CCDC97: variants seen among roughly 807,000 people sequenced by gnomAD.
CCDC97 encodes coiled-coil domain containing 97.
CCDC97 carries 27 observed loss-of-function variants against 33.9 expected under a neutral mutation model. The observed-to-expected ratio is 0.80, with a 90% CI of 0.59 to 1.10. The LOEUF (loss-of-function observed/expected upper bound fraction) is 1.10, where lower values mean the gene tolerates loss of function less well. CCDC97 is among the 50% of genes least tolerant of loss of function. The pLI, the probability that CCDC97 is intolerant of heterozygous loss-of-function variation, is 0.00. For synonymous variants in CCDC97, 217 were observed against 194.0 expected (o/e 1.12, Z -0.99); for missense variants, 422 against 476.6 (o/e 0.89, Z 1.07).
chr19:41,321,801 G>A (rs936296580), intron 4 of CCDC97, among the ~76,000 whole-genome samples: 37 of 152,294 alleles, frequency 2.4e-4, no homozygotes, highest in Admixed American at 2.1e-3. Flanking sequence ...GGGTCGCAAG[G>A]GGGTAGGAGA....
In CCDC97 at chr19:41,319,726, C is replaced by T. The variant is rs774895639; in HGVS notation, c.655C>T (p.Pro219Ser). ...KPGSPGRPAC[P>S]LSNLLLQSYE... ...CGGGTCCCCCGGGAGACCTGCTTGC[C>T]CGCTCTCCAACTTGCTGCTCCAGTC... The change falls in exon 3 of 5, where the codon CCG becomes TCG. Residue 219 changes from proline to serine, a missense_variant. Pro to Ser is a moderately conservative substitution (Grantham distance 74, BLOSUM62 -1). Transcript: ENST00000269967. The T allele has an allele frequency of 1.4e-5, 22 of 1,613,862 alleles. No homozygotes were observed. Among genetic ancestry groups the T allele is most frequent in the Non-Finnish European group, 1.7e-5 (20 of 1,179,888 alleles).
intron 2 of CCDC97, among the ~76,000 whole-genome samples, chr19:41,318,725 G>T (rs1255280885): frequency 6.6e-6 from 1 of 152,146 alleles, no homozygotes; most frequent in Non-Finnish European, 1.5e-5. Flanking sequence ...CAAGTTTTGG[G>T]GTAGTGGGGA....
intron 1 of CCDC97, among the ~76,000 whole-genome samples, chr19:41,312,038 C>T (rs943896289): frequency 2.6e-5 from 4 of 152,214 alleles, no homozygotes; most frequent in Admixed American, 6.5e-5. Context: ...AGGGTCTGCA[C>T]TGACTTCCCC....
chr19:41,311,950 G>A (rs545381811), intron 1 of CCDC97, among the ~76,000 whole-genome samples: 2 of 152,270 alleles, frequency 1.3e-5, no homozygotes, highest in Non-Finnish European at 2.9e-5. Context: ...CCTTCAGAGA[G>A]TCATGTATAC....
At chr19:41,316,219 TC>T (rs2037743888) in intron 1 of CCDC97, among the ~76,000 whole-genome samples, 164 bp from the exon 2 acceptor site, 1 of 152,200 alleles carries the variant, frequency 6.6e-6, no homozygotes, top group Non-Finnish European at 1.5e-5. Context: ...ATTGTTTGTG[TC>T]CCCTACTGAA....
At chr19:41,318,956 G>A (rs953654094) in intron 2 of CCDC97, among the ~76,000 whole-genome samples, 11 of 152,144 alleles carry the variant, frequency 7.2e-5, no homozygotes, top group Non-Finnish European at 1.6e-4. Flanking sequence ...CCACAAACAG[G>A]CACACAACCT....
intron 4 of CCDC97, among the ~76,000 whole-genome samples, chr19:41,321,030 T>C (rs549062100): frequency 6.6e-6 from 1 of 152,374 alleles, no homozygotes; most frequent in South Asian, 2.1e-4. Context: ...AGCTTTGCCT[T>C]GTGGTCCCAA....
intron 1 of CCDC97, among the ~76,000 whole-genome samples, chr19:41,313,568 C>T (rs2037711271): frequency 6.6e-6 from 1 of 152,180 alleles, no homozygotes; most frequent in South Asian, 2.1e-4. Context: ...TTCTTTCCTC[C>T]CCAACCCAGC....
intron 2 of CCDC97, among the ~76,000 whole-genome samples, chr19:41,318,176 C>T (rs189606814): frequency 5.9e-4 from 89 of 151,810 alleles, no homozygotes; most frequent in Non-Finnish European, 1.0e-3. Flanking sequence ...AGGCTGGGCA[C>T]AGTGGCTCAG....
At position 41,324,551 on chromosome 19, in the gene CCDC97, CACAG is replaced by C. The variant is rs781465010; in HGVS notation, c.*1841_*1844del. ...GCTCCGTGCTAGCCACTGTCCCGCA[CACAG>C]ACAGGATCAGGTCATCTTGATATGG... On this transcript the variant is annotated 3_prime_UTR_variant, in exon 5 of 5. Coordinates refer to ENST00000269967, the MANE Select transcript of CCDC97 (RefSeq NM_052848.3). 4 of 152,260 alleles carry C rather than the reference CACAG, an allele frequency of 2.6e-5. No individual in the cohort carries two copies. Among genetic ancestry groups the C allele is most frequent in the Admixed American group, 6.5e-5 (1 of 15,282 alleles). 9.4% of individuals were successfully genotyped at this position (152,260 alleles called of 1,614,324 possible). A position where few individuals can be genotyped will look rare whatever the true frequency, so the allele number is the denominator to read the frequency against.
Position 41,323,362 on chromosome 19 carries a change from C to G in CCDC97, c.*647C>G, listed in dbSNP as rs1377791770. 2 of 153,326 alleles carry G rather than the reference C, an allele frequency of 1.3e-5. No individual in the cohort carries two copies. Among genetic ancestry groups the G allele is most frequent in the Non-Finnish European group, 2.9e-5 (2 of 68,708 alleles). The allele number at this position is 153,326 out of a possible 1,614,324, so 9.5% of individuals were successfully genotyped here. A position where few individuals can be genotyped will look rare whatever the true frequency, so the allele number is the denominator to read the frequency against. ...CTAGGCCTCTGCTCTCACTGTCCCTCTCTGTCTGTCTCTCAGCCTTTATCT... is the reference window on the plus strand; with the variant it reads ...CTAGGCCTCTGCTCTCACTGTCCCTGTCTGTCTGTCTCTCAGCCTTTATCT... On this transcript the variant is annotated 3_prime_UTR_variant, in exon 5 of 5. Transcript: ENST00000269967.
At chr19:41,319,508 A>G in intron 2 of CCDC97, 66 bp from the exon 3 acceptor site, 2 of 1,151,478 alleles carry the variant, frequency 1.7e-6, no homozygotes, top group Non-Finnish European at 2.5e-6. Flanking sequence ...GATCACACAC[A>G]TACCCACATG....
chr19:41,322,833 A>G lies in CCDC97; in HGVS notation c.*118A>G. ...ATCAGGGCAGTGCCCCACAACCCACACACACCACCATCTCACTGGGTCTAG... is the reference window on the plus strand; with the variant it reads ...ATCAGGGCAGTGCCCCACAACCCACGCACACCACCATCTCACTGGGTCTAG... On this transcript the variant is annotated 3_prime_UTR_variant, in exon 5 of 5. Transcript: ENST00000269967. The G allele has an allele frequency of 1.7e-6, 2 of 1,147,668 alleles. No homozygotes were observed. The highest frequency in any genetic ancestry group is 3.1e-5 in the African/African-American group (2 of 64,740). The allele number at this position is 1,147,668 out of a possible 1,614,324, so 71.1% of individuals were successfully genotyped here.
At position 41,310,230 on chromosome 19, in the gene CCDC97, G is replaced by A. The variant is rs2037663335; in HGVS notation, c.-81G>A. 13 of 1,540,190 alleles carry A rather than the reference G, an allele frequency of 8.4e-6. No individual in the cohort carries two copies. The highest frequency in any genetic ancestry group is 1.1e-5 in the Non-Finnish European group (13 of 1,137,168). On this transcript the variant is annotated 5_prime_UTR_variant, in exon 1 of 5. Coordinates refer to ENST00000269967, the MANE Select transcript of CCDC97 (RefSeq NM_052848.3). ...GCACCCGGACCCGGAACATTCTCAGGCGAAAGTGTCTCTTGCGTGCGTGGG... is the reference window on the plus strand; with the variant it reads ...GCACCCGGACCCGGAACATTCTCAGACGAAAGTGTCTCTTGCGTGCGTGGG...
At chr19:41,321,782 A>AGTCGCAAGGG (rs995237394) in intron 4 of CCDC97, among the ~76,000 whole-genome samples, 3 of 152,216 alleles carry the variant, frequency 2.0e-5, no homozygotes, top group Non-Finnish European at 2.9e-5. Flanking sequence ...GGGCTGGAGC[A>AGTCGCAAGGG]GTCGCAAGGG....
Position 41,322,827 on chromosome 19 carries a change from A to C in CCDC97, c.*112A>C. ...GGGGACATCAGGGCAGTGCCCCACAACCCACACACACCACCATCTCACTGG... is the reference window on the plus strand; with the variant it reads ...GGGGACATCAGGGCAGTGCCCCACACCCCACACACACCACCATCTCACTGG... On this transcript the variant is annotated 3_prime_UTR_variant, in exon 5 of 5. Transcript: ENST00000269967. The C allele has an allele frequency of 1.7e-6, 2 of 1,179,910 alleles. No homozygotes were observed. The highest frequency in any genetic ancestry group is 1.5e-5 in the African/African-American group (1 of 65,368). The allele number at this position is 1,179,910 out of a possible 1,614,324, so 73.1% of individuals were successfully genotyped here.
At chr19:41,310,535 C>G (rs887329244) in intron 1 of CCDC97, 179 bp downstream of exon 1, 16 of 975,922 alleles carry the variant, frequency 1.6e-5, no homozygotes, top group African/African-American at 2.0e-5. Flanking sequence ...GGCTGACCTT[C>G]TTTTCCTCCA....
At chr19:41,310,467 C>G (rs759978789) in intron 1 of CCDC97, 111 bp downstream of exon 1, 2 of 1,516,158 alleles carry the variant, frequency 1.3e-6, no homozygotes, top group Non-Finnish European at 1.8e-6. Flanking sequence ...CACCCACCCC[C>G]CTCAGCTTTA....
intron 1 of CCDC97, 128 bp downstream of exon 1, chr19:41,310,484 C>CTCTTCACTACTTTGCCCA (rs2037669576): frequency 6.7e-7 from 1 of 1,494,950 alleles, no homozygotes; most frequent in Non-Finnish European, 8.9e-7. Flanking sequence ...TTTACCGGTC[C>CTCTTCACTACTTTGCCCA]TCTTCACTAC....
Sources: gnomAD v4.1 joint callset for allele counts (sites outside exome capture counted in the v4.1 genomes callset) on GRCh38, gnomAD v4.1.1 for gene constraint, MANE v1.5 for transcripts, NCBI Gene and HGNC (gene_info 2026-07-23, HGNC 2026-07-21) for gene names.